The following CDH13 variants were observed in gnomAD, a reference collection of about 807,000 sequenced individuals.
CDH13 encodes the protein cadherin 13.
In CDH13, 24 loss-of-function variants were observed where a neutral mutation model predicts 63.8. The ratio of observed to expected loss-of-function variants is 0.38; its 90% CI spans 0.27 to 0.53. The LOEUF (loss-of-function observed/expected upper bound fraction) is 0.53. Among genes scored for constraint, CDH13 ranks in the 20% least tolerant of loss-of-function variants. CDH13 has a pLI of 0.85. For synonymous variants in CDH13, 503 were observed against 355.3 expected (o/e 1.42, Z -4.67); for missense variants, 1,049 against 903.1 (o/e 1.16, Z -2.07).
intron 4 of CDH13, among the ~76,000 whole-genome samples, chr16:83,142,326 A>C (rs1404282506): frequency 6.6e-6 from 1 of 151,746 alleles, no homozygotes; most frequent in Non-Finnish European, 1.5e-5. Context: ...ACACCTGGCT[A>C]AGTTTTTTAT....
intron 4 of CDH13, among the ~76,000 whole-genome samples, chr16:83,211,018 C>T (rs766109307): frequency 8.0e-5 from 12 of 150,630 alleles, no homozygotes; most frequent in Admixed American, 1.3e-4. Flanking sequence ...CGTGGTGGCA[C>T]GCACCTGTAG....
At chr16:82,633,743 A>C (rs1237188719) in intron 1 of CDH13, among the ~76,000 whole-genome samples, 2 of 152,168 alleles carry the variant, frequency 1.3e-5, no homozygotes, top group African/African-American at 4.8e-5. Context: ...TGATGTTTTT[A>C]TATCTGTTTT....
intron 1 of CDH13, among the ~76,000 whole-genome samples, chr16:82,779,638 C>A (rs1342693605): frequency 2.6e-5 from 4 of 152,180 alleles, no homozygotes; most frequent in Admixed American, 6.5e-5. Flanking sequence ...TCATAATTTA[C>A]CTGTAACCGA....
chr16:83,439,903 T>C (rs1022152279), intron 6 of CDH13, among the ~76,000 whole-genome samples: 1 of 152,192 alleles, frequency 6.6e-6, no homozygotes, highest in African/African-American at 2.4e-5. Context: ...GTCCAAATTC[T>C]ATGTAAAAAA....
At chr16:82,680,854 C>G (rs1914465385) in intron 1 of CDH13, among the ~76,000 whole-genome samples, 4 of 152,160 alleles carry the variant, frequency 2.6e-5, no homozygotes, top group Admixed American at 2.6e-4. Context: ...GACCGCCTAA[C>G]CTGGGTGGTG....
At chr16:83,191,466 T>G (rs113489517) in intron 4 of CDH13, among the ~76,000 whole-genome samples, 5,158 of 116,138 alleles carry the variant, frequency 0.044, 386 homozygotes, top group African/African-American at 0.15. Context: ...GAAATATATA[T>G]ATATATATAT....
Position 82,904,641 on chromosome 16 carries a change from A to C in CDH13, c.157+46168A>C, listed in dbSNP as rs572894524. 4.0e-4 allele frequency among the ~76,000 whole-genome samples: 61 copies of C among 152,304 alleles called. 1 individual carries two copies. The highest frequency in any genetic ancestry group is 1.3e-3 in the African/African-American group (55 of 41,570). On this transcript the variant is annotated intron_variant, in intron 2 of 13. Transcript: ENST00000567109. ...TCAGTCATAGTACATGTGCAATTCA[A>C]GATACCTGGGTGGGCATAGTAGTCT... is the stretch of plus-strand genomic sequence containing the variant.
intron 2 of CDH13, among the ~76,000 whole-genome samples, chr16:82,969,318 G>C (rs909518219): frequency 2.0e-5 from 3 of 151,954 alleles, no homozygotes; most frequent in Non-Finnish European, 4.4e-5. Flanking sequence ...ATGTGGCTGT[G>C]TTTCAATAGA....
At chr16:82,683,546 G>A (rs1471378928) in intron 1 of CDH13, among the ~76,000 whole-genome samples, 1 of 152,236 alleles carries the variant, frequency 6.6e-6, no homozygotes, top group Non-Finnish European at 1.5e-5. Flanking sequence ...AGACCAAGGA[G>A]TCAAGCACAC....
intron 5 of CDH13, among the ~76,000 whole-genome samples, chr16:83,301,713 C>T (rs947401420): frequency 3.3e-5 from 5 of 152,150 alleles, no homozygotes; most frequent in Non-Finnish European, 5.9e-5. Context: ...TACTTGGTCT[C>T]AGGATGCCTT....
chr16:83,567,767 T>C (rs575778680), intron 7 of CDH13, among the ~76,000 whole-genome samples: 6 of 151,614 alleles, frequency 4.0e-5, no homozygotes, highest in African/African-American at 1.2e-4. Context: ...GGCTAATTTT[T>C]TGTATTTTTA....
chr16:83,473,065 GC>G (rs527833911), intron 6 of CDH13, among the ~76,000 whole-genome samples: 115 of 152,258 alleles, frequency 7.6e-4, no homozygotes, highest in African/African-American at 2.7e-3. Context: ...AGTCCAGAAG[GC>G]CCCCTCTTAG....
At chr16:83,266,213 C>T (rs1001675526) in intron 5 of CDH13, among the ~76,000 whole-genome samples, 2 of 152,124 alleles carry the variant, frequency 1.3e-5, no homozygotes, top group Non-Finnish European at 1.5e-5. Context: ...TCTGGGATTA[C>T]ATACAGAAGT....
chr16:82,945,687 C>T (rs544005809), intron 2 of CDH13, among the ~76,000 whole-genome samples: 1 of 152,130 alleles, frequency 6.6e-6, no homozygotes, highest in African/African-American at 2.4e-5. Flanking sequence ...TAAGTCCCAT[C>T]TGCAAGGAAA....
intron 2 of CDH13, among the ~76,000 whole-genome samples, chr16:83,013,505 A>G (rs1157007562): frequency 6.6e-6 from 1 of 152,166 alleles, no homozygotes; most frequent in South Asian, 2.1e-4. Context: ...TTTCCCTTCC[A>G]CATGATCTGT....
chr16:82,749,912 G>A (rs775538372), intron 1 of CDH13, among the ~76,000 whole-genome samples: 18 of 152,136 alleles, frequency 1.2e-4, no homozygotes, highest in Non-Finnish European at 2.4e-4. Context: ...AGAAAAAAAT[G>A]TATAAGTTGA....
At chr16:83,041,858 CA>C (rs1194218876) in intron 3 of CDH13, among the ~76,000 whole-genome samples, 1 of 152,162 alleles carries the variant, frequency 6.6e-6, no homozygotes, top group Non-Finnish European at 1.5e-5. Flanking sequence ...TTTAATAAAA[CA>C]AATGTCATGC....
intron 1 of CDH13, among the ~76,000 whole-genome samples, chr16:82,846,523 G>C (rs1035390079): frequency 1.3e-5 from 2 of 152,132 alleles, no homozygotes; most frequent in Non-Finnish European, 1.5e-5. Context: ...AGGAAACTAA[G>C]GCAAAGAGAA....
At chr16:82,674,197 G>T (rs1467644991) in intron 1 of CDH13, among the ~76,000 whole-genome samples, 3 of 152,148 alleles carry the variant, frequency 2.0e-5, no homozygotes, top group African/African-American at 4.8e-5. Flanking sequence ...CACCCCTTAA[G>T]GCAGCCTGGT....
Sources: allele counts gnomAD v4.1 joint callset (sites outside exome capture counted in the v4.1 genomes callset), GRCh38; gene constraint gnomAD v4.1.1; transcripts MANE v1.5; gene names NCBI Gene and HGNC (gene_info 2026-07-23, HGNC 2026-07-21).